The following ZNF117 variants were observed in gnomAD, a reference collection of about 807,000 sequenced individuals.
ZNF117 encodes Krueppel-related zinc finger protein.
Under a neutral mutation model 41.2 loss-of-function variants are expected in ZNF117, and 37 were observed. The observed-to-expected ratio is 0.90, with a 90% CI of 0.69 to 1.18. The LOEUF (loss-of-function observed/expected upper bound fraction) is 1.18. ZNF117 is among the 50% of genes most tolerant of loss of function. The probability of loss-of-function intolerance (pLI) is 0.00; values close to 1 mark genes in which losing one functional copy is unlikely to be tolerated. For synonymous variants in ZNF117, 186 were observed against 186.6 expected (o/e 1.00, Z 0.02); for missense variants, 546 against 557.5 (o/e 0.98, Z 0.21).
chr7:64,977,957 A>G (rs993498328), exon 3 of ZNF117: 143 of 1,248,300 alleles, frequency 1.1e-4, no homozygotes, highest in Non-Finnish European at 1.4e-4. Flanking sequence ...AAGATTGGTT[A>G]AAAGCTTTGT....
At chr7:64,979,681 TA>T in intron 2 of ZNF117, 145 bp from the exon 4 acceptor site, 1 of 548,564 alleles carries the variant, frequency 1.8e-6, no homozygotes. Flanking sequence ...CATAGACATA[TA>T]AATGTAACAA....
At chr7:64,973,928 G>A (rs1785822859), downstream of ZNF117, 1 of 151,844 alleles carries the variant, frequency 6.6e-6, no homozygotes, top group South Asian at 2.1e-4. Flanking sequence ...ACTAACTCCA[G>A]CAGGAATGTT....
exon 2 of ZNF117, chr7:64,981,474 C>A (rs1421866953): frequency 6.3e-7 from 1 of 1,586,504 alleles, no homozygotes; most frequent in Non-Finnish European, 8.6e-7. Flanking sequence ...GGCTTAGAGA[C>A]AGCAATACCT....
At chr7:64,977,748 G>C (rs115620872) in exon 3 of ZNF117, 6 of 892,786 alleles carry the variant, frequency 6.7e-6, no homozygotes, top group Non-Finnish European at 1.1e-5. Context: ...TTTCTCTCCA[G>C]TATGAATTAT....
downstream of ZNF117, chr7:64,972,007 CTAT>C (rs1469431805): frequency 6.6e-6 from 1 of 151,878 alleles, no homozygotes; most frequent in Non-Finnish European, 1.5e-5. Flanking sequence ...AGACAAATAA[CTAT>C]TAAAAATGAG....
At chr7:64,990,002 G>T (rs938395022) in exon 1 of ZNF117, 4 of 152,166 alleles carry the variant, frequency 2.6e-5, no homozygotes, top group Non-Finnish European at 5.9e-5. Flanking sequence ...AACCTGGGAG[G>T]TGGAGGTTGC....
chr7:64,975,849 C>T (rs1314368038), exon 3 of ZNF117: 2 of 152,160 alleles, frequency 1.3e-5, no homozygotes, highest in African/African-American at 2.4e-5. Flanking sequence ...GATATTTACA[C>T]ACACTTAATT....
exon 3 of ZNF117, chr7:64,978,933 A>C (rs1393579188): frequency 6.2e-7 from 1 of 1,611,724 alleles, no homozygotes; most frequent in Non-Finnish European, 8.5e-7. Flanking sequence ...AGTATGAATT[A>C]TATTATGTGT....
upstream of ZNF117, among the ~76,000 whole-genome samples, chr7:64,986,370 C>G (rs1281982824): frequency 6.6e-6 from 1 of 152,110 alleles, no homozygotes; most frequent in Non-Finnish European, 1.5e-5. Context: ...TAGGGAAAAA[C>G]AGTCATTCAT....
At chr7:64,982,222 G>T, upstream of ZNF117, 1 of 472,840 alleles carries the variant, frequency 2.1e-6, no homozygotes, top group Non-Finnish European at 3.8e-6. Context: ...AAAGAAAACT[G>T]GTTCTGACTT....
At chr7:64,981,387 C>T in exon 2 of ZNF117, 2 of 1,613,048 alleles carry the variant, frequency 1.2e-6, no homozygotes, top group Non-Finnish European at 8.5e-7. Context: ...TCTCACTTAC[C>T]TAAATGTTTA....
exon 3 of ZNF117, chr7:64,978,194 T>G (rs139824396): frequency 6.2e-7 from 1 of 1,609,714 alleles, no homozygotes; most frequent in African/African-American, 1.4e-5. Flanking sequence ...GTGTAGTAAG[T>G]GTTGAAGATT....
exon 3 of ZNF117, chr7:64,977,299 A>G: frequency 2.4e-6 from 1 of 417,462 alleles, no homozygotes; most frequent in Non-Finnish European, 4.8e-6. Context: ...ACTTTGCCAC[A>G]TTCTTCACAT....
exon 3 of ZNF117, chr7:64,975,874 T>G (rs1054472807): frequency 2.0e-5 from 3 of 152,218 alleles, no homozygotes; most frequent in African/African-American, 7.2e-5. Flanking sequence ...ATTAAATTTC[T>G]TTTATACTTA....
chr7:64,985,853 G>A (rs1030750296), upstream of ZNF117, among the ~76,000 whole-genome samples: 30 of 149,824 alleles, frequency 2.0e-4, no homozygotes, highest in African/African-American at 4.4e-4. Flanking sequence ...CCAGCTACTC[G>A]GGAGGCTGAG....
chr7:64,975,199 GCA>G (rs1785855559), exon 3 of ZNF117: 1 of 151,648 alleles, frequency 6.6e-6, no homozygotes, highest in Non-Finnish European at 1.5e-5. Context: ...TTCACTGAAT[GCA>G]CAATTGGTCT....
In ZNF117 at chr7:64,989,446, TATATATA is replaced by T. The variant is rs1562649288; in HGVS notation, c.-196+494_-196+500del. On this transcript the variant is annotated intron_variant, in intron 1 of 3. Transcript: ENST00000282869. ...GACTTAAATGTAGAACTTAAAATTA[TATATATA>T]TATATATATATATATATATATATAT... Among the ~76,000 whole-genome samples the T allele has an allele frequency of 7.5e-4, 4 of 5,346 alleles. No homozygotes were observed. The South Asian group carries it at 9.9e-3, about 13-fold the overall frequency. 3.5% of individuals were successfully genotyped at this position (5,346 alleles called of 152,430 possible).
At chr7:64,987,361 A>G (rs906618833) in intron 1 of ZNF117, among the ~76,000 whole-genome samples, 1 of 152,192 alleles carries the variant, frequency 6.6e-6, no homozygotes, top group African/African-American at 2.4e-5. Flanking sequence ...ATCTCAATTT[A>G]ACAATGTAAT....
downstream of ZNF117, chr7:64,973,887 G>C (rs1785822314): frequency 6.6e-6 from 1 of 151,800 alleles, no homozygotes; most frequent in Non-Finnish European, 1.5e-5. Flanking sequence ...CTTCACTATT[G>C]GTATTTTCCA....
Sources: gnomAD v4.1 joint callset for allele counts (sites outside exome capture counted in the v4.1 genomes callset) on GRCh38, gnomAD v4.1.1 for gene constraint, MANE v1.5 for transcripts, NCBI Gene and HGNC (gene_info 2026-07-23, HGNC 2026-07-21) for gene names.